The following THADA variants were observed in gnomAD, a reference collection of about 807,000 sequenced individuals.
THADA encodes THADA armadillo repeat containing, also known as tRNA (32-2'-O)-methyltransferase regulator THADA.
In THADA, 213 loss-of-function variants were observed where a neutral mutation model predicts 219.8. The observed-to-expected ratio is 0.97, with a 90% CI of 0.87 to 1.09. The LOEUF is 1.09. Ranked by LOEUF, THADA falls within the 50% of genes least tolerant of loss-of-function variation. THADA has a pLI of 0.00. For synonymous variants in THADA, 1,018 were observed against 828.9 expected, an observed-to-expected ratio of 1.23 and a Z score of -3.92; for missense variants, 2,956 against 2,311.3, an observed-to-expected ratio of 1.28 and a Z score of -5.72.
In THADA at chr2:43,265,974, CACACACACACACACACAG is replaced by C. The variant is rs1344253374; in HGVS notation, c.5296+13773_5296+13790del. On this transcript the variant is annotated intron_variant, in intron 36 of 37. Coordinates refer to ENST00000405975, the MANE Select transcript of THADA (RefSeq NM_022065.5). ...ACACACACACACACACACACACACA[CACACACACACACACACAG>C]ACTCTTGAGGGTCTGAAGCAGAACC... Among the ~76,000 whole-genome samples the C allele has an allele frequency of 4.5e-4, 60 of 134,256 alleles. 1 individual carries two copies. Among genetic ancestry groups the C allele is most frequent in the African/African-American group, 1.6e-3 (54 of 33,244 alleles). 88.1% of individuals were successfully genotyped at this position (134,256 alleles called of 152,430 possible).
rs1366580296 is a variant in THADA, at chr2:43,591,965, T to C, written c.158A>G (p.His53Arg). Residue 53 changes from histidine (H) to arginine (R), a missense_variant, in exon 3 of 38, where the codon CAT becomes CGT. Physicochemically the swap from His to Arg is conservative, Grantham distance 29 (BLOSUM62 0). Coordinates refer to ENST00000405975, the MANE Select transcript of THADA (RefSeq NM_022065.5). Reference protein sequence around the residue: ...VQLTDGVSQIHYIKQIVPLLE... With the variant: ...VQLTDGVSQIRYIKQIVPLLE... ...ATTCAGACTTACCTGTTTAATATAA[T>C]GGATTTGTGACACTCCATCCGTGAG... is the stretch of plus-strand genomic sequence containing the variant. 5 of 1,545,888 alleles carry C rather than the reference T, an allele frequency of 3.2e-6. No homozygotes were observed. The highest frequency in any genetic ancestry group is 2.7e-5 in the African/African-American group (2 of 73,190).
chr2:43,499,650 T>G (rs1369040815), intron 24 of THADA, among the ~76,000 whole-genome samples: 1 of 152,148 alleles, frequency 6.6e-6, no homozygotes, highest in East Asian at 1.9e-4. Context: ...GTGATGGCAT[T>G]ATAGGTGTGA....
chr2:43,538,534 C>T (rs1289933517), intron 21 of THADA: 1 of 152,196 alleles, frequency 6.6e-6, no homozygotes, highest in Non-Finnish European at 1.5e-5. Context: ...AGTAGCAAGT[C>T]ATCTTACTGT....
chr2:43,252,822 A>T (rs1342072523), intron 36 of THADA, among the ~76,000 whole-genome samples: 4 of 152,218 alleles, frequency 2.6e-5, no homozygotes, highest in Non-Finnish European at 1.5e-5. Flanking sequence ...CCAGCTGAGT[A>T]GCGGCAGTCT....
At chr2:43,340,001 T>C (rs1573151467) in intron 30 of THADA, among the ~76,000 whole-genome samples, 1 of 152,146 alleles carries the variant, frequency 6.6e-6, no homozygotes, top group Non-Finnish European at 1.5e-5. Context: ...AGTGTCAGAC[T>C]GGGTGATTCC....
chr2:43,418,331 G>A (rs1396761379), intron 28 of THADA, among the ~76,000 whole-genome samples: 5 of 152,198 alleles, frequency 3.3e-5, no homozygotes, highest in African/African-American at 4.8e-5. Context: ...CAAGCTTACT[G>A]GAGCGCTTTC....
chr2:43,583,265 T>C (rs1416260329), intron 7 of THADA, among the ~76,000 whole-genome samples: 6 of 152,338 alleles, frequency 3.9e-5, no homozygotes, highest in South Asian at 2.1e-4. Flanking sequence ...ATTGTAATCA[T>C]CCTTGCCACC....
At chr2:43,435,521 G>T (rs1233975365) in intron 26 of THADA, among the ~76,000 whole-genome samples, 1 of 152,116 alleles carries the variant, frequency 6.6e-6, no homozygotes, top group Non-Finnish European at 1.5e-5. Context: ...GGTGGCTCAT[G>T]CCTGCAATTC....
chr2:43,552,060 C>G, intron 18 of THADA, 135 bp from the exon 19 acceptor site: 1 of 1,527,754 alleles, frequency 6.5e-7, no homozygotes, highest in Non-Finnish European at 8.8e-7. Flanking sequence ...AAAATATACA[C>G]AGATACGTAT....
At position 43,560,452 on chromosome 2, in the gene THADA, T is replaced by A. The variant is rs188106988; in HGVS notation, c.2312-67A>T. The A allele has an allele frequency of 3.5e-5, 42 of 1,213,860 alleles. No homozygotes were observed. The East Asian group carries it at 1.2e-3, about 33-fold the overall frequency. The allele number at this position is 1,213,860 out of a possible 1,614,324, so 75.2% of individuals were successfully genotyped here. On this transcript the variant is annotated intron_variant, in intron 15 of 37. Coordinates refer to ENST00000405975, the MANE Select transcript of THADA (RefSeq NM_022065.5). Reference sequence around the variant, plus strand: ...AAAGAAATCAGTCTTCTGAAGTTATTTGACCAAATTTATAGAAAATAAGTA... The same window carrying A: ...AAAGAAATCAGTCTTCTGAAGTTATATGACCAAATTTATAGAAAATAAGTA...
intron 26 of THADA, among the ~76,000 whole-genome samples, chr2:43,476,681 G>C (rs955273300): frequency 1.1e-4 from 16 of 152,080 alleles, no homozygotes; most frequent in African/African-American, 3.9e-4. Context: ...TTTCAAAGCT[G>C]GTTACTATGT....
At chr2:43,464,929 T>C (rs1313063668) in intron 26 of THADA, among the ~76,000 whole-genome samples, 2 of 152,082 alleles carry the variant, frequency 1.3e-5, no homozygotes, top group Non-Finnish European at 2.9e-5. Context: ...GCCAGAAATA[T>C]GCAACTGTTG....
chr2:43,485,470 T>TAA, intron 25 of THADA, 145 bp from the exon 26 acceptor site: 5 of 600,414 alleles, frequency 8.3e-6, no homozygotes, highest in African/African-American at 1.9e-5. Context: ...ATAAAATAAT[T>TAA]TAAAAAAAAA....
At chr2:43,428,627 A>T (rs988076966) in intron 27 of THADA, among the ~76,000 whole-genome samples, 5 of 152,132 alleles carry the variant, frequency 3.3e-5, no homozygotes, top group African/African-American at 1.2e-4. Context: ...ATGTATATGA[A>T]GTGAGACTCC....
intron 29 of THADA, among the ~76,000 whole-genome samples, chr2:43,384,915 C>A (rs1405726848): frequency 6.6e-6 from 1 of 151,898 alleles, no homozygotes; most frequent in African/African-American, 2.4e-5. Flanking sequence ...CGAAGACATG[C>A]AGATCACCTG....
At chr2:43,419,823 T>A (rs1419195042) in intron 28 of THADA, among the ~76,000 whole-genome samples, 1 of 61,972 alleles carries the variant, frequency 1.6e-5, no homozygotes, top group East Asian at 2.1e-4. Context: ...TAAATTTAAA[T>A]TTTTTTTCCC....
chr2:43,347,984 G>A (rs1478724934), intron 29 of THADA, among the ~76,000 whole-genome samples: 1 of 152,190 alleles, frequency 6.6e-6, no homozygotes, highest in African/African-American at 2.4e-5. Flanking sequence ...GCAGTGTGGA[G>A]GTCATAGCAG....
chr2:43,358,850 G>A (rs1006058763), intron 29 of THADA, among the ~76,000 whole-genome samples: 4 of 152,192 alleles, frequency 2.6e-5, no homozygotes, highest in Admixed American at 2.0e-4. Context: ...CCCCTCTTTC[G>A]GTTGCAGCTT....
intron 25 of THADA, among the ~76,000 whole-genome samples, chr2:43,487,890 A>C (rs1687105233): frequency 6.6e-6 from 1 of 152,248 alleles, no homozygotes. Context: ...CGAAGGGACT[A>C]AGATATCCCT....
Sources: allele counts gnomAD v4.1 joint callset (sites outside exome capture counted in the v4.1 genomes callset), GRCh38; gene constraint gnomAD v4.1.1; transcripts MANE v1.5; gene names NCBI Gene and HGNC (gene_info 2026-07-23, HGNC 2026-07-21).